DLG2: variants seen among roughly 807,000 people sequenced by gnomAD.
DLG2 encodes the protein discs large MAGUK scaffold protein 2, also known as disks large homolog 2.
A neutral mutation model predicts 132.5 loss-of-function variants in DLG2; 45 were observed. That is an observed-to-expected ratio of 0.34 (90% CI 0.27 to 0.44). The LOEUF (loss-of-function observed/expected upper bound fraction) is 0.44. Among genes scored for constraint, DLG2 ranks in the 20% least tolerant of loss-of-function variants. The pLI is 1.00. For missense variants in DLG2, 1,045 were observed against 1,196.9 expected (o/e 0.87, Z 1.87); for synonymous variants, 424 against 419.6 (o/e 1.01, Z -0.13).
At chr11:85,139,112 C>T (rs2076301285) in intron 5 of DLG2, among the ~76,000 whole-genome samples, 1 of 152,068 alleles carries the variant, frequency 6.6e-6, no homozygotes, top group African/African-American at 2.4e-5. Context: ...CTCTTCCATC[C>T]CTTCTCCATT....
chr11:83,480,448 A>G, intron 22 of DLG2: 1 of 1,529,822 alleles, frequency 6.5e-7, no homozygotes. Context: ...AAGAGATACC[A>G]AGCATTGAAG....
intron 6 of DLG2, among the ~76,000 whole-genome samples, chr11:84,939,002 T>C (rs1242197971): frequency 1.3e-5 from 2 of 152,150 alleles, no homozygotes; most frequent in African/African-American, 2.4e-5. Context: ...AAATTTCCTT[T>C]AAGTGTTCAA....
At chr11:85,060,589 T>C (rs2063994058) in intron 6 of DLG2, among the ~76,000 whole-genome samples, 1 of 151,522 alleles carries the variant, frequency 6.6e-6, no homozygotes, top group African/African-American at 2.4e-5. Flanking sequence ...CCAATGGACA[T>C]TTAGGTTGTT....
chr11:83,637,495 A>G (rs1292366026), intron 18 of DLG2, among the ~76,000 whole-genome samples: 1 of 152,206 alleles, frequency 6.6e-6, no homozygotes, highest in Non-Finnish European at 1.5e-5. Flanking sequence ...ATGAGGAAAC[A>G]GAGGTTCAGA....
intron 18 of DLG2, among the ~76,000 whole-genome samples, chr11:83,718,774 A>G (rs1453755030): frequency 1.3e-5 from 2 of 152,140 alleles, no homozygotes; most frequent in African/African-American, 4.8e-5. Context: ...CTCTCTAAGA[A>G]GACAATATTG....
intron 5 of DLG2, among the ~76,000 whole-genome samples, chr11:85,124,799 TTTA>T (rs1189690735): frequency 6.6e-6 from 1 of 151,878 alleles, no homozygotes; most frequent in Admixed American, 6.6e-5. Context: ...TCATGAAAGA[TTTA>T]TAATATTTTT....
intron 3 of DLG2, among the ~76,000 whole-genome samples, chr11:85,319,313 T>C (rs1596207663): frequency 4.6e-5 from 7 of 151,898 alleles, no homozygotes; most frequent in Admixed American, 3.9e-4. Context: ...CAAACTCATC[T>C]AAAAGTGTAA....
chr11:84,800,761 C>T (rs2075268961), intron 6 of DLG2: 1 of 152,004 alleles, frequency 6.6e-6, no homozygotes, highest in East Asian at 1.9e-4. Context: ...CTATATTAAG[C>T]CAAGAAAAAA....
chr11:83,977,839 C>T (rs557547854), intron 12 of DLG2, among the ~76,000 whole-genome samples: 1 of 152,202 alleles, frequency 6.6e-6, no homozygotes, highest in East Asian at 1.9e-4. Context: ...CCATCACATT[C>T]TACTTTTAAT....
chr11:84,825,272 T>A (rs527589362), intron 6 of DLG2, among the ~76,000 whole-genome samples: 1 of 151,954 alleles, frequency 6.6e-6, no homozygotes, highest in South Asian at 2.1e-4. Context: ...ACTGTATTTG[T>A]ATTGGTACAA....
At chr11:85,123,809 AGATATG>A (rs1474636291) in intron 5 of DLG2, among the ~76,000 whole-genome samples, 1 of 152,216 alleles carries the variant, frequency 6.6e-6, no homozygotes, top group East Asian at 1.9e-4. Context: ...ATTAAAACAG[AGATATG>A]AGGGGCAAAG....
chr11:84,795,828 G>C (rs956506766), intron 6 of DLG2, among the ~76,000 whole-genome samples: 1 of 152,054 alleles, frequency 6.6e-6, no homozygotes, highest in Admixed American at 6.6e-5. Context: ...CATGTTCCCC[G>C]GTGCCCACCG....
At chr11:84,035,786 A>G (rs1288031488) in intron 11 of DLG2, among the ~76,000 whole-genome samples, 1 of 152,178 alleles carries the variant, frequency 6.6e-6, no homozygotes, top group Non-Finnish European at 1.5e-5. Flanking sequence ...CTACTGCAGT[A>G]GTCTGAGCAA....
At chr11:83,959,410 T>C (rs1312422586) in intron 14 of DLG2, among the ~76,000 whole-genome samples, 1 of 152,096 alleles carries the variant, frequency 6.6e-6, no homozygotes, top group Non-Finnish European at 1.5e-5. Context: ...ATGGGAAAGT[T>C]CCCATTTCAC....
intron 4 of DLG2, among the ~76,000 whole-genome samples, chr11:85,197,434 T>TA (rs1489220868): frequency 1.3e-5 from 2 of 152,224 alleles, no homozygotes; most frequent in African/African-American, 4.8e-5. Flanking sequence ...CATGGGCTTC[T>TA]AGACTCACAC....
At chr11:85,079,891 A>G (rs1425290301) in intron 6 of DLG2, among the ~76,000 whole-genome samples, 10 of 151,994 alleles carry the variant, frequency 6.6e-5, no homozygotes, top group Admixed American at 6.6e-4. Flanking sequence ...CAGCTTCCCA[A>G]AGTGCTGGGA....
chr11:85,310,085 A>C (rs1025090246), intron 3 of DLG2, among the ~76,000 whole-genome samples: 4 of 152,218 alleles, frequency 2.6e-5, no homozygotes, highest in African/African-American at 9.6e-5. Flanking sequence ...TGAGGAATTA[A>C]GAGTTTGTCA....
At chr11:83,774,518 G>T (rs2094512296) in intron 18 of DLG2, among the ~76,000 whole-genome samples, 1 of 152,128 alleles carries the variant, frequency 6.6e-6, no homozygotes, top group South Asian at 2.1e-4. Flanking sequence ...TGTTAATGGT[G>T]GAGCTGGAAT....
chr11:84,086,292 A>C (rs1221463595), intron 10 of DLG2, among the ~76,000 whole-genome samples: 1 of 152,208 alleles, frequency 6.6e-6, no homozygotes, highest in South Asian at 2.1e-4. Context: ...AGATTTGTAA[A>C]TGGGGATATT....
Sources: allele counts gnomAD v4.1 joint callset (sites outside exome capture counted in the v4.1 genomes callset), GRCh38; gene constraint gnomAD v4.1.1; transcripts MANE v1.5; gene names NCBI Gene and HGNC (gene_info 2026-07-23, HGNC 2026-07-21).